SPAG17: variants seen among roughly 807,000 people sequenced by gnomAD.
The protein encoded by SPAG17 is sperm-associated antigen 17.
A neutral mutation model predicts 273.6 loss-of-function variants in SPAG17; 169 were observed. That is an observed-to-expected ratio of 0.62 (90% confidence interval 0.55 to 0.70). The LOEUF (loss-of-function observed/expected upper bound fraction) is 0.70, where lower values mean the gene tolerates loss of function less well. Among genes scored for constraint, SPAG17 ranks in the 30% least tolerant of loss-of-function variants. SPAG17 has a pLI of 0.00. For missense variants in SPAG17, 2,557 were observed against 2,627.8 expected, an observed-to-expected ratio of 0.97 and a Z score of 0.59; for synonymous variants, 825 against 873.2, an observed-to-expected ratio of 0.94 and a Z score of 0.97.
chr1:118,040,880 A>G (rs1218449752), intron 21 of SPAG17, 39 bp from the exon 22 acceptor site: 1 of 1,337,258 alleles, frequency 7.5e-7, no homozygotes, highest in Non-Finnish European at 1.1e-6. Context: ...GTGAAGCTGC[A>G]ATAGACAAAA....
At chr1:117,956,814 A>ATT (rs1245682911) in intron 48 of SPAG17, among the ~76,000 whole-genome samples, 1 of 152,196 alleles carries the variant, frequency 6.6e-6, no homozygotes, top group East Asian at 1.9e-4. Flanking sequence ...CTTTGGAGAT[A>ATT]TTGTTTATCT....
At chr1:118,054,420 C>A (rs899986424) in intron 19 of SPAG17, among the ~76,000 whole-genome samples, 12 of 152,084 alleles carry the variant, frequency 7.9e-5, no homozygotes, top group African/African-American at 2.9e-4. Flanking sequence ...CTACACAGAA[C>A]AAATCTAACA....
intron 3 of SPAG17, among the ~76,000 whole-genome samples, chr1:118,146,318 T>A (rs936660129): frequency 6.6e-6 from 1 of 152,142 alleles, no homozygotes; most frequent in Admixed American, 6.6e-5. Context: ...TTAATTTTGG[T>A]CAGGACTGAC....
Position 118,041,445 on chromosome 1 carries a change from C to A in SPAG17, c.3054+358G>T, listed in dbSNP as rs1041424735. 5.3e-5 allele frequency among the ~76,000 whole-genome samples: 8 copies of A among 151,816 alleles called. 1 individual carries two copies. Among genetic ancestry groups the A allele is most frequent in the Non-Finnish European group, 1.0e-4 (7 of 67,930 alleles). Reference sequence around the variant, plus strand: ...CCAGAAACATGATTGCCCACAGAGACAACAAAATGTAGTCAGCAAGTCTCA... The same window carrying A: ...CCAGAAACATGATTGCCCACAGAGAAAACAAAATGTAGTCAGCAAGTCTCA... On this transcript the variant is annotated intron_variant, in intron 21 of 48. Transcript: ENST00000336338.
chr1:117,969,876 C>A (rs897239648), intron 46 of SPAG17, among the ~76,000 whole-genome samples, 180 bp downstream of exon 46: 1 of 152,120 alleles, frequency 6.6e-6, no homozygotes, highest in Non-Finnish European at 1.5e-5. Flanking sequence ...GAATGAATGC[C>A]ATCAAGCCAC....
At chr1:118,076,826 T>C (rs955213855) in intron 15 of SPAG17, among the ~76,000 whole-genome samples, 1 of 152,112 alleles carries the variant, frequency 6.6e-6, no homozygotes, top group Non-Finnish European at 1.5e-5. Flanking sequence ...ATGGATGCTT[T>C]CTCATCCCTT....
chr1:118,147,813 A>G (rs1659111928), intron 3 of SPAG17, among the ~76,000 whole-genome samples: 2 of 152,204 alleles, frequency 1.3e-5, no homozygotes, highest in Non-Finnish European at 2.9e-5. Flanking sequence ...TGGAGTCATT[A>G]TTGGAAATAT....
At chr1:118,089,370 G>A (rs1655224948) in intron 10 of SPAG17, among the ~76,000 whole-genome samples, 3 of 63,518 alleles carry the variant, frequency 4.7e-5, no homozygotes, top group African/African-American at 7.4e-5. Flanking sequence ...CAGGTAGGAG[G>A]TGAGATGACA....
chr1:117,973,284 A>G (rs1654769548), intron 44 of SPAG17, 141 bp downstream of exon 44: 1 of 1,056,758 alleles, frequency 9.5e-7, no homozygotes, highest in Non-Finnish European at 1.4e-6. Flanking sequence ...ATAGCAGTAC[A>G]CAGTGGCCGG....
chr1:118,099,823 G>A (rs928257804), intron 5 of SPAG17, 23 bp from the exon 6 acceptor site: 16 of 1,602,624 alleles, frequency 1.0e-5, no homozygotes, highest in Non-Finnish European at 1.3e-5. Context: ...CCATAAAGAA[G>A]AGCAGCCATC....
intron 1 of SPAG17, among the ~76,000 whole-genome samples, chr1:118,152,176 G>GA (rs1659422521): frequency 6.6e-6 from 1 of 152,056 alleles, no homozygotes; most frequent in Non-Finnish European, 1.5e-5. Flanking sequence ...AAAGACATCA[G>GA]AAAAGAGAGG....
rs561705555 is a variant in SPAG17, at chr1:118,064,179, G to A, written c.2540+2566C>T. On this transcript the variant is annotated intron_variant, in intron 18 of 48. Coordinates refer to ENST00000336338, the MANE Select transcript of SPAG17 (RefSeq NM_206996.4). ...CAACCATTGTGGAAGTCAGTGTGGC[G>A]ATTCCTCAGGGATCTAGAACTAGAA... 2.5e-4 allele frequency among the ~76,000 whole-genome samples: 38 copies of A among 152,234 alleles called. No homozygotes were observed. The South Asian group carries it at 7.1e-3, about 28-fold the overall frequency.
chr1:118,051,544 T>TACACACACAC (rs147508671), intron 20 of SPAG17, among the ~76,000 whole-genome samples: 1,805 of 148,448 alleles, frequency 0.012, 37 homozygotes, highest in African/African-American at 0.036. Flanking sequence ...AAATTTGAGA[T>TACACACACAC]ACACACACAC....
In SPAG17 at chr1:117,996,761, T is replaced by C. The variant is rs1657708292; in HGVS notation, c.4777-18A>G. ...GCCATGACCTAAGGGATAAAGTATGTAAGCAACTAAAAGAAAAGAAAGTCA... is the reference window on the plus strand; with the variant it reads ...GCCATGACCTAAGGGATAAAGTATGCAAGCAACTAAAAGAAAAGAAAGTCA... On this transcript the variant is annotated intron_variant, in intron 32 of 48. Coordinates refer to ENST00000336338, the MANE Select transcript of SPAG17 (RefSeq NM_206996.4). 1 of 1,575,578 alleles carries C rather than the reference T, an allele frequency of 6.3e-7. No individual in the cohort carries two copies. Among genetic ancestry groups the C allele is most frequent in the Non-Finnish European group, 8.6e-7 (1 of 1,167,448 alleles).
At chr1:118,002,920 T>C (rs1323565211) in intron 32 of SPAG17, among the ~76,000 whole-genome samples, 1 of 152,368 alleles carries the variant, frequency 6.6e-6, no homozygotes, top group East Asian at 1.9e-4. Context: ...CTTCATAGCA[T>C]AGATGGTCTT....
At chr1:118,134,741 A>C (rs1234133886) in intron 3 of SPAG17, among the ~76,000 whole-genome samples, 5 of 151,774 alleles carry the variant, frequency 3.3e-5, no homozygotes, top group Admixed American at 3.3e-4. Context: ...ACTCCTGGCT[A>C]CTCCTTCCAA....
intron 1 of SPAG17, among the ~76,000 whole-genome samples, chr1:118,153,744 G>A (rs1659508481): frequency 6.6e-6 from 1 of 152,106 alleles, no homozygotes; most frequent in African/African-American, 2.4e-5. Context: ...AGCTACTTGT[G>A]AGGCTGAGGC....
chr1:118,089,332 C>CGTGTGTGTGTGTGTGT (rs72374195), intron 10 of SPAG17, among the ~76,000 whole-genome samples: 4,436 of 135,802 alleles, frequency 0.033, 94 homozygotes, highest in Non-Finnish European at 0.041. Flanking sequence ...ATGTAGATGA[C>CGTGTGTGTGTGTGTGT]GTGTGTGTGT....
chr1:118,027,126 G>C lies in SPAG17; in HGVS notation c.3730+1148C>G, dbSNP rs534876902. On this transcript the variant is annotated intron_variant, in intron 26 of 48. Transcript: ENST00000336338. The stretch of plus-strand genomic sequence containing the variant: ...GAATTTGAAAGCAACATCTCTTTGA[G>C]TACACTCATAGCTCTTTGACTGGAA... Among the ~76,000 whole-genome samples, 4 of 152,298 alleles carry C rather than the reference G, an allele frequency of 2.6e-5. No homozygotes were observed. In the South Asian group the frequency reaches 8.3e-4, roughly 32 times the overall value.
Sources: gnomAD v4.1 joint callset for allele counts (sites outside exome capture counted in the v4.1 genomes callset) on GRCh38, gnomAD v4.1.1 for gene constraint, MANE v1.5 for transcripts, NCBI Gene and HGNC (gene_info 2026-07-23, HGNC 2026-07-21) for gene names.